The following LIPI variants were observed in gnomAD, a reference collection of about 807,000 sequenced individuals.
LIPI encodes lipase I, also known as lipase member I.
In LIPI, 59 loss-of-function variants were observed where a neutral mutation model predicts 50.6. The observed-to-expected ratio is 1.16, with a 90% confidence interval of 0.94 to 1.45. The LOEUF (loss-of-function observed/expected upper bound fraction) is 1.45. LIPI is among the 40% of genes most tolerant of loss of function. The pLI, the probability that LIPI is intolerant of heterozygous loss-of-function variation, is 0.00. For missense variants in LIPI, 586 were observed against 536.3 expected, an observed-to-expected ratio of 1.09 and a Z score of -0.92; for synonymous variants, 203 against 178.2, an observed-to-expected ratio of 1.14 and a Z score of -1.11.
chr21:14,176,808 C>G (rs1005463460), intron 4 of LIPI, among the ~76,000 whole-genome samples: 1 of 148,166 alleles, frequency 6.7e-6, no homozygotes, highest in Non-Finnish European at 1.5e-5. Context: ...TATTATTATA[C>G]TTTAAGTTCT....
Position 14,138,995 on chromosome 21 carries a change from A to C in LIPI, c.1295+5628T>G, listed in dbSNP as rs187851086. 1.3e-3 allele frequency among the ~76,000 whole-genome samples: 200 copies of C among 152,246 alleles called. 1 individual carries two copies. The highest frequency in any genetic ancestry group is 4.6e-3 in the African/African-American group (191 of 41,578). On this transcript the variant is annotated intron_variant, in intron 9 of 9. Transcript: ENST00000681601. ...CACAGAAAGGTTAATCATATTTTCA[A>C]GGTAATAAAGCTAGTAATTAGCTGA...
intron 4 of LIPI, among the ~76,000 whole-genome samples, chr21:14,171,634 A>G (rs1165882763): frequency 6.6e-6 from 1 of 150,884 alleles, no homozygotes; most frequent in Non-Finnish European, 1.5e-5. Flanking sequence ...CCTATTTAAT[A>G]AATGGTGCTG....
intron 1 of LIPI, among the ~76,000 whole-genome samples, chr21:14,195,249 C>T (rs996370773): frequency 4.6e-5 from 7 of 152,022 alleles, no homozygotes; most frequent in Non-Finnish European, 8.8e-5. Context: ...TTGCTGGATC[C>T]ATATGTTGCT....
chr21:14,135,885 C>T (rs2017479436), intron 9 of LIPI, among the ~76,000 whole-genome samples: 1 of 152,022 alleles, frequency 6.6e-6, no homozygotes, highest in Admixed American at 6.5e-5. Context: ...CAACTCGTGG[C>T]TCCAAAAAAA....
At chr21:14,115,120 C>A (rs4816961) in intron 9 of LIPI, among the ~76,000 whole-genome samples, 45,360 of 151,964 alleles carry the variant, frequency 0.3, 7,201 homozygotes, top group East Asian at 0.45. Flanking sequence ...TCCCCACCCC[C>A]CATAGTCTAA....
intron 7 of LIPI, among the ~76,000 whole-genome samples, chr21:14,161,393 C>A (rs2018456558): frequency 2.2e-5 from 3 of 138,310 alleles, no homozygotes; most frequent in East Asian, 2.1e-4. Flanking sequence ...CATATAATAT[C>A]TATGTTATAT....
intron 1 of LIPI, among the ~76,000 whole-genome samples, chr21:14,204,106 G>A (rs1211569119): frequency 6.6e-6 from 1 of 152,004 alleles, no homozygotes; most frequent in Non-Finnish European, 1.5e-5. Context: ...TGGGGAGCGA[G>A]AGCATCAGGA....
chr21:14,189,106 A>C lies in LIPI; in HGVS notation c.360T>G (p.Phe120Leu), dbSNP rs763321406. ...TGTTTTTAACTGCTCTATTATAAAT[A>C]AAAGTTGTAGCACCCCGGCTCCAGT... The part of the protein sequence containing the change: ...VVDWSRGATT[F>L]IYNRAVKNTR... The change falls in exon 2 of 10, where the codon TTT (phenylalanine) becomes TTG (leucine). Residue 120 changes from phenylalanine to leucine, a missense_variant. By Grantham distance (22) the Phe-to-Leu change is conservative. Transcript: ENST00000681601. The C allele has an allele frequency of 6.2e-7, 1 of 1,613,110 alleles. No homozygotes were observed. The highest frequency in any genetic ancestry group is 8.5e-7 in the Non-Finnish European group (1 of 1,179,936).
At chr21:14,198,262 T>C (rs185627840) in intron 1 of LIPI, among the ~76,000 whole-genome samples, 1 of 152,188 alleles carries the variant, frequency 6.6e-6, no homozygotes, top group African/African-American at 2.4e-5. Flanking sequence ...AAAATCCACA[T>C]ATATCAATAC....
intron 9 of LIPI, among the ~76,000 whole-genome samples, chr21:14,111,950 C>T (rs967653093): frequency 6.6e-6 from 1 of 151,962 alleles, no homozygotes; most frequent in Non-Finnish European, 1.5e-5. Context: ...CCCAATCACC[C>T]GAATAGTGAA....
intron 2 of LIPI, among the ~76,000 whole-genome samples, chr21:14,186,595 A>T (rs2019464447): frequency 6.6e-6 from 1 of 152,226 alleles, no homozygotes; most frequent in Non-Finnish European, 1.5e-5. Context: ...AGAGGAAAAG[A>T]TGGATTCCAA....
chr21:14,193,851 A>G (rs1311507740), intron 1 of LIPI, among the ~76,000 whole-genome samples: 4 of 152,160 alleles, frequency 2.6e-5, no homozygotes, highest in African/African-American at 7.2e-5. Flanking sequence ...AAGGCAACCC[A>G]CTGAATGTGA....
intron 8 of LIPI, among the ~76,000 whole-genome samples, chr21:14,148,600 T>A (rs550738775): frequency 7.9e-5 from 12 of 152,198 alleles, no homozygotes; most frequent in Non-Finnish European, 1.6e-4. Context: ...TAGCATGCTG[T>A]ACAGGTTTGT....
chr21:14,196,887 T>C (rs1041004092), intron 1 of LIPI, among the ~76,000 whole-genome samples: 2 of 152,246 alleles, frequency 1.3e-5, no homozygotes, highest in Admixed American at 6.5e-5. Flanking sequence ...ATTGTATTTA[T>C]AGTAAACATC....
At chr21:14,151,667 A>T (rs183810563) in intron 8 of LIPI, among the ~76,000 whole-genome samples, 31 of 152,336 alleles carry the variant, frequency 2.0e-4, no homozygotes, top group African/African-American at 7.5e-4. Context: ...GTGCCCGTTT[A>T]TATCATTCTT....
intron 7 of LIPI, among the ~76,000 whole-genome samples, chr21:14,159,730 C>T (rs889880115): frequency 2.8e-4 from 42 of 151,404 alleles, no homozygotes; most frequent in African/African-American, 9.2e-4. Flanking sequence ...TAATTGCTTA[C>T]ATAGAAAATT....
At chr21:14,134,321 C>T (rs757741542) in intron 9 of LIPI, among the ~76,000 whole-genome samples, 5 of 151,980 alleles carry the variant, frequency 3.3e-5, no homozygotes, top group Admixed American at 6.6e-5. Flanking sequence ...GAAAATGGCC[C>T]GTGCTCGTGG....
At chr21:14,134,228 C>CA (rs1055324760) in intron 9 of LIPI, among the ~76,000 whole-genome samples, 2 of 151,482 alleles carry the variant, frequency 1.3e-5, no homozygotes, top group Non-Finnish European at 2.9e-5. Context: ...GAGATTCTGT[C>CA]AAAAAAACAA....
intron 4 of LIPI, among the ~76,000 whole-genome samples, chr21:14,174,786 C>T (rs1408339795): frequency 6.6e-6 from 1 of 152,166 alleles, no homozygotes. Context: ...AACTCCTGAC[C>T]TCGTGATCCC....
Sources: gnomAD v4.1 joint callset for allele counts (sites outside exome capture counted in the v4.1 genomes callset) on GRCh38, gnomAD v4.1.1 for gene constraint, MANE v1.5 for transcripts, NCBI Gene and HGNC (gene_info 2026-07-23, HGNC 2026-07-21) for gene names.